The following SNX31 variants were observed in gnomAD, a reference collection of about 807,000 sequenced individuals.
SNX31 encodes the protein sorting nexin 31.
Under a neutral mutation model 65.4 loss-of-function variants are expected in SNX31, and 58 were observed. The ratio of observed to expected loss-of-function variants is 0.89; its 90% CI spans 0.72 to 1.10. The LOEUF (loss-of-function observed/expected upper bound fraction) is 1.10. Ranked by LOEUF, SNX31 falls within the 50% of genes least tolerant of loss-of-function variation. The pLI is 0.00. For synonymous variants in SNX31, 181 were observed against 190.1 expected (o/e 0.95, Z 0.39); for missense variants, 523 against 529.7 (o/e 0.99, Z 0.12).
chr8:100,573,397 C>G lies in SNX31; in HGVS notation c.*468G>C, dbSNP rs1390169470. The G allele has an allele frequency of 6.6e-6, 1 of 152,188 alleles. No homozygotes were observed. The highest frequency in any genetic ancestry group is 1.9e-4 in the East Asian group (1 of 5,190). 9.4% of individuals were successfully genotyped at this position (152,188 alleles called of 1,614,324 possible). A position where few individuals can be genotyped will look rare whatever the true frequency, so the allele number is the denominator to read the frequency against. On this transcript the variant is annotated 3_prime_UTR_variant, in exon 14 of 14. Transcript: ENST00000311812. ...TTTTCAGTGATTCCATTTCTCAGAG[C>G]CCTATTCTCCTCCGTTGAAGAGTCA...
At chr8:100,602,110 G>A (rs771687928) in intron 8 of SNX31, among the ~76,000 whole-genome samples, 9 of 152,324 alleles carry the variant, frequency 5.9e-5, no homozygotes, top group Non-Finnish European at 1.0e-4. Flanking sequence ...CCCCGCGCCC[G>A]TCGTCTCAGT....
In SNX31 at chr8:100,630,351, A is replaced by G. The variant is rs764699022; in HGVS notation, c.297T>C (p.Val99=). Residue 99 remains valine, a synonymous_variant, in exon 4 of 14, where the codon GTT becomes GTC. Coordinates refer to ENST00000311812, the MANE Select transcript of SNX31 (RefSeq NM_152628.4). The surrounding 1 kb of genome is among the most constrained non-coding windows in gnomAD (Gnocchi z 5.3). ...DPNVLRSDVF[V]EFLKLAQLNT... ...CCAGCTGCGCCAGTTTTAAAAACTC[A>G]ACGAAGACATCACTTCTCAACACGT... 4.3e-6 allele frequency: 7 copies of G among 1,613,490 alleles called. No homozygotes were observed. Among genetic ancestry groups the G allele is most frequent in the Non-Finnish European group, 5.9e-6 (7 of 1,179,884 alleles).
At chr8:100,597,862 T>G (rs1815257686) in intron 9 of SNX31, among the ~76,000 whole-genome samples, 1 of 152,224 alleles carries the variant, frequency 6.6e-6, no homozygotes, top group African/African-American at 2.4e-5. Context: ...TGTTAATGAT[T>G]GCATTTAAAT....
intron 2 of SNX31, 134 bp from the exon 3 acceptor site, chr8:100,636,145 G>C (rs113957673): frequency 1.7e-6 from 1 of 601,022 alleles, no homozygotes; most frequent in Middle Eastern, 4.3e-4. Context: ...TAGCCCAAAG[G>C]GGGAAAAGAG....
intron 2 of SNX31, among the ~76,000 whole-genome samples, chr8:100,646,005 C>G (rs575545960): frequency 6.6e-6 from 1 of 152,176 alleles, no homozygotes; most frequent in East Asian, 1.9e-4. Context: ...GTCTGGAACT[C>G]GCATGACAGA....
Position 100,629,924 on chromosome 8 carries a change from C to A in SNX31, c.321+403G>T, listed in dbSNP as rs867569843. Among the ~76,000 whole-genome samples the A allele has an allele frequency of 4.7e-4, 71 of 152,210 alleles. No individual in the cohort carries two copies. Among genetic ancestry groups the A allele is most frequent in the African/African-American group, 1.7e-3 (70 of 41,444 alleles). ...CCAGCATGGCCTGCTTTCCTGATGT[C>A]TTCACTGTGGCCCATTTGGAAATCT... On this transcript the variant is annotated intron_variant, in intron 4 of 13. Transcript: ENST00000311812. This position sits in a 1 kb window ranked among gnomAD's most constrained non-coding sequence, Gnocchi z 5.1.
rs538356318 is a variant in SNX31 at position 100,661,526 on chromosome 8, G to A, written c.-58+1616C>T. On this transcript the variant is annotated intron_variant, in intron 1 of 5. Coordinates refer to the SNX31 transcript ENST00000520352. ...GTGTTAAAAAGAATGAGGTTAGTGG[G>A]AAATAATGATAGCTAATATATATAT... Among the ~76,000 whole-genome samples the A allele has an allele frequency of 2.0e-5, 3 of 152,144 alleles. No homozygotes were observed. In the South Asian group the frequency reaches 6.2e-4, roughly 32 times the overall value.
chr8:100,596,683 C>T lies in SNX31; in HGVS notation c.934G>A (p.Val312Ile), dbSNP rs760972571. 6 of 1,614,174 alleles carry T rather than the reference C, an allele frequency of 3.7e-6. No homozygotes were observed. Among genetic ancestry groups the T allele is most frequent in the South Asian group, 3.3e-5 (3 of 91,084 alleles). Residue 312 changes from valine to isoleucine, a missense_variant, in exon 10 of 14, where the codon GTT becomes ATT. Coordinates refer to ENST00000311812, the MANE Select transcript of SNX31 (RefSeq NM_152628.4). ...TLPDSQTQDI[V>I]FQMSRVKCWQ... ...CACTTCACCCTGCTCATCTGGAAAA[C>T]GATGTCCTGGGTCTGGCTGTCAGGC...
chr8:100,591,079 G>C (rs973454040), intron 10 of SNX31, among the ~76,000 whole-genome samples: 1 of 152,178 alleles, frequency 6.6e-6, no homozygotes, highest in South Asian at 2.1e-4. Context: ...TAAACACAGC[G>C]AGAGCTCTAG....
At chr8:100,595,729 A>G (rs1815020504) in intron 10 of SNX31, among the ~76,000 whole-genome samples, 1 of 152,014 alleles carries the variant, frequency 6.6e-6, no homozygotes, top group South Asian at 2.1e-4. Context: ...GTGGAAAAGG[A>G]CTCGTCTGCT....
chr8:100,573,721 GA>G lies in SNX31; in HGVS notation c.*143del. Reference sequence around the variant, plus strand: ...ATAGAGTGCTGTGGTATAATACCTTGATGAATACAGTCCATGTTAATGCCAA... The same window carrying G: ...ATAGAGTGCTGTGGTATAATACCTTGTGAATACAGTCCATGTTAATGCCAA... On this transcript the variant is annotated 3_prime_UTR_variant, in exon 14 of 14. Coordinates refer to ENST00000311812, the MANE Select transcript of SNX31 (RefSeq NM_152628.4). 1 of 469,486 alleles carries G rather than the reference GA, an allele frequency of 2.1e-6. No homozygotes were observed. The highest frequency in any genetic ancestry group is 3.4e-5 in the East Asian group (1 of 29,460). The allele number at this position is 469,486 out of a possible 1,614,324, so 29.1% of individuals were successfully genotyped here.
chr8:100,593,397 G>GGCAA (rs757472355), intron 10 of SNX31, among the ~76,000 whole-genome samples: 6 of 152,118 alleles, frequency 3.9e-5, no homozygotes, highest in Non-Finnish European at 7.4e-5. Flanking sequence ...GACCTCCAGA[G>GGCAA]GCAAACAAAC....
chr8:100,620,586 T>C (rs1473891509), intron 4 of SNX31, among the ~76,000 whole-genome samples: 2 of 152,240 alleles, frequency 1.3e-5, no homozygotes, highest in African/African-American at 4.8e-5. Context: ...TTGTGTGTTG[T>C]ATCTACATAT....
At chr8:100,593,861 A>G (rs2130884872) in intron 10 of SNX31, among the ~76,000 whole-genome samples, 1 of 150,904 alleles carries the variant, frequency 6.6e-6, no homozygotes, top group East Asian at 1.9e-4. Context: ...AAAAAAATAG[A>G]AAAACTTCAG....
chr8:100,629,379 A>G lies in SNX31; in HGVS notation c.321+948T>C, dbSNP rs1331415957. On this transcript the variant is annotated intron_variant, in intron 4 of 13. Transcript: ENST00000311812. The surrounding 1 kb of genome is among the most constrained non-coding windows in gnomAD (Gnocchi z 5.1). The stretch of plus-strand genomic sequence containing the variant: ...ACAGCAAACTTTTCAAAGAATAGGA[A>G]AGTGTGTGTATATATAAACCATCAA... 6.6e-6 allele frequency among the ~76,000 whole-genome samples: 1 copy of G among 152,204 alleles called. No homozygotes were observed. The highest frequency in any genetic ancestry group is 1.5e-5 in the Non-Finnish European group (1 of 68,042).
intron 4 of SNX31, among the ~76,000 whole-genome samples, chr8:100,620,495 T>C (rs1338644825): frequency 6.6e-6 from 1 of 152,234 alleles, no homozygotes; most frequent in African/African-American, 2.4e-5. Flanking sequence ...TAAATTTCTA[T>C]GATTCTGAAT....
chr8:100,600,702 G>T (rs909810846), intron 8 of SNX31, among the ~76,000 whole-genome samples: 3 of 151,902 alleles, frequency 2.0e-5, no homozygotes, highest in Admixed American at 2.0e-4. Context: ...TCCAGATAAA[G>T]ATTTAAATGT....
intron 10 of SNX31, among the ~76,000 whole-genome samples, chr8:100,595,620 T>C (rs1217641989): frequency 2.0e-5 from 3 of 152,182 alleles, no homozygotes; most frequent in Non-Finnish European, 1.5e-5. Context: ...AAGTCAGAGA[T>C]AACTTCAAGA....
At position 100,635,936 on chromosome 8, in the gene SNX31, C is replaced by G. The variant is rs2187016; in HGVS notation, c.217G>C (p.Asp73His). The G allele has an allele frequency of 0.22, 361,168 of 1,612,778 alleles. 44,207 individuals are homozygous for G. Among genetic ancestry groups the G allele is most frequent in the African/African-American group, 0.48 (35,920 of 74,884 alleles). ...YYLAMTTAMA[D>H]ERRDQLEQYL... is the part of the protein sequence containing the mutation. ...TGTTCCAGTTGGTCCCTCCTCTCAT[C>G]AGCCATAGCTGTGGTCATTGCCAGA... The change falls in exon 3 of 14, where the codon GAT (aspartate) becomes CAT (histidine). Residue 73 changes from aspartate (D) to histidine (H), a missense_variant. Physicochemically the swap from Asp to His is moderately conservative, Grantham distance 81. Transcript: ENST00000311812.
Sources: allele counts gnomAD v4.1 joint callset (sites outside exome capture counted in the v4.1 genomes callset), GRCh38; gene constraint gnomAD v4.1.1; non-coding constraint Gnocchi (gnomAD v3.1); transcripts MANE v1.5; gene names NCBI Gene and HGNC (gene_info 2026-07-23, HGNC 2026-07-21).